Variants in PPM1H observed in about 807,000 individuals in gnomAD.
PPM1H encodes the protein protein phosphatase, Mg2+/Mn2+ dependent 1H.
PPM1H carries 27 observed loss-of-function variants against 54.9 expected under a neutral mutation model. The ratio of observed to expected loss-of-function variants is 0.49; its 90% CI spans 0.36 to 0.68. The LOEUF (loss-of-function observed/expected upper bound fraction) is 0.68, where lower values mean the gene tolerates loss of function less well. PPM1H is among the 30% of genes least tolerant of loss of function. The pLI, the probability that PPM1H is intolerant of heterozygous loss-of-function variation, is 0.00. For synonymous variants in PPM1H, 305 were observed against 270.8 expected, an observed-to-expected ratio of 1.13 and a Z score of -1.24; for missense variants, 596 against 667.8, an observed-to-expected ratio of 0.89 and a Z score of 1.19.
At chr12:62,653,980 G>A (rs903515924) in intron 9 of PPM1H, among the ~76,000 whole-genome samples, 7 of 151,988 alleles carry the variant, frequency 4.6e-5, no homozygotes, top group Admixed American at 2.6e-4. Flanking sequence ...AGTGGCTTAC[G>A]CTTGTAATCC....
At chr12:62,683,669 A>T (rs546023279) in intron 8 of PPM1H, among the ~76,000 whole-genome samples, 2 of 152,354 alleles carry the variant, frequency 1.3e-5, no homozygotes, top group South Asian at 4.1e-4. Flanking sequence ...CCTGTGGTTC[A>T]GTCTAGCAGG....
chr12:62,897,391 C>T (rs952464814), intron 1 of PPM1H, among the ~76,000 whole-genome samples: 2 of 152,136 alleles, frequency 1.3e-5, no homozygotes, highest in Non-Finnish European at 2.9e-5. Context: ...CTGTGGGACT[C>T]ATTTAAATTT....
chr12:62,777,528 G>A (rs926292439), intron 4 of PPM1H, among the ~76,000 whole-genome samples: 3 of 152,134 alleles, frequency 2.0e-5, no homozygotes, highest in African/African-American at 7.2e-5. Flanking sequence ...TGTAATATAT[G>A]CACGATGAAC....
intron 6 of PPM1H, among the ~76,000 whole-genome samples, chr12:62,697,977 A>C (rs572856218): frequency 3.3e-5 from 5 of 152,290 alleles, no homozygotes; most frequent in African/African-American, 1.2e-4. Context: ...AAAAAAATGC[A>C]AGGCTTAAAA....
At chr12:62,683,824 A>C (rs2076036644) in intron 8 of PPM1H, among the ~76,000 whole-genome samples, 1 of 152,140 alleles carries the variant, frequency 6.6e-6, no homozygotes, top group South Asian at 2.1e-4. Context: ...AGAAGGGTGA[A>C]ATTAAGAAGA....
At chr12:62,720,369 AATT>A (rs771832960) in intron 5 of PPM1H, 80 bp from the exon 6 acceptor site, 2 of 1,132,688 alleles carry the variant, frequency 1.8e-6, no homozygotes, top group Non-Finnish European at 2.6e-6. Flanking sequence ...ATGTTTTGCA[AATT>A]GAGACAGGCC....
At chr12:62,930,030 C>G (rs758119921) in intron 1 of PPM1H, among the ~76,000 whole-genome samples, 3 of 152,058 alleles carry the variant, frequency 2.0e-5, no homozygotes, top group Non-Finnish European at 2.9e-5. Context: ...AAAGAAAGGC[C>G]AGGGGATTTC....
intron 3 of PPM1H, among the ~76,000 whole-genome samples, chr12:62,793,028 A>G (rs2076709383): frequency 6.6e-6 from 1 of 152,240 alleles, no homozygotes; most frequent in South Asian, 2.1e-4. Flanking sequence ...ATTTTTACAA[A>G]AATCAATGAA....
chr12:62,666,028 T>C (rs1001572240), intron 9 of PPM1H, among the ~76,000 whole-genome samples: 7 of 151,500 alleles, frequency 4.6e-5, no homozygotes, highest in African/African-American at 1.7e-4. Context: ...CATGCTTGGC[T>C]AAAAAAAAAT....
chr12:62,675,090 T>C (rs2075978330), intron 8 of PPM1H, among the ~76,000 whole-genome samples: 1 of 152,226 alleles, frequency 6.6e-6, no homozygotes, highest in Non-Finnish European at 1.5e-5. Flanking sequence ...CTGCTCATAC[T>C]ATTGCAAAAG....
intron 2 of PPM1H, among the ~76,000 whole-genome samples, chr12:62,830,018 A>G (rs1477983796): frequency 6.6e-6 from 1 of 152,246 alleles, no homozygotes; most frequent in Non-Finnish European, 1.5e-5. Flanking sequence ...CCTGTCGAGT[A>G]GGTATGAAAG....
chr12:62,842,680 G>T (rs1054341903), intron 1 of PPM1H, among the ~76,000 whole-genome samples: 1 of 152,190 alleles, frequency 6.6e-6, no homozygotes, highest in Non-Finnish European at 1.5e-5. Flanking sequence ...AGTAAGGAGG[G>T]TTTTAAGCCC....
intron 4 of PPM1H, among the ~76,000 whole-genome samples, chr12:62,749,314 A>G (rs1565777372): frequency 6.6e-6 from 1 of 152,262 alleles, no homozygotes; most frequent in Non-Finnish European, 1.5e-5. Flanking sequence ...GCACATTTCC[A>G]GAATGGAGGA....
chr12:62,728,268 C>A (rs1359722256), intron 5 of PPM1H, among the ~76,000 whole-genome samples: 2 of 152,130 alleles, frequency 1.3e-5, no homozygotes, highest in East Asian at 1.9e-4. Flanking sequence ...ACTTAGTGAT[C>A]TGAGCAGCTA....
intron 2 of PPM1H, among the ~76,000 whole-genome samples, chr12:62,818,814 T>G (rs2076885212): frequency 6.8e-6 from 1 of 147,968 alleles, no homozygotes; most frequent in Non-Finnish European, 1.5e-5. Flanking sequence ...TGTTGCTTTT[T>G]CTTTTTCTTT....
intron 1 of PPM1H, among the ~76,000 whole-genome samples, chr12:62,932,628 C>CTTTTTTTTTGTTTTTTTTTTTTTTT (rs1872178042): frequency 1.9e-5 from 1 of 54,012 alleles, no homozygotes; most frequent in Admixed American, 3.5e-4. Context: ...TCCAAATGGG[C>CTTTTTTTTTGTTTTTTTTTTTTTTT]TTTTTTTTTT....
chr12:62,899,768 G>A (rs976594496), intron 1 of PPM1H, among the ~76,000 whole-genome samples: 1 of 152,188 alleles, frequency 6.6e-6, no homozygotes, highest in Non-Finnish European at 1.5e-5. Context: ...CCATACGTTT[G>A]TAAAGCATTA....
chr12:62,919,619 A>T (rs1871730475), intron 1 of PPM1H, among the ~76,000 whole-genome samples: 1 of 152,172 alleles, frequency 6.6e-6, no homozygotes, highest in African/African-American at 2.4e-5. Context: ...TGCTTATTTA[A>T]TACAGCTTGC....
At chr12:62,913,752 G>A (rs545835705) in intron 1 of PPM1H, among the ~76,000 whole-genome samples, 7 of 152,226 alleles carry the variant, frequency 4.6e-5, no homozygotes, top group African/African-American at 9.6e-5. Context: ...CCAGGCTGGC[G>A]TGCAGTGGTT....
Sources: allele counts gnomAD v4.1 joint callset (sites outside exome capture counted in the v4.1 genomes callset), GRCh38; gene constraint gnomAD v4.1.1; transcripts MANE v1.5; gene names NCBI Gene and HGNC (gene_info 2026-07-23, HGNC 2026-07-21).